Variants in PARD3B observed in about 807,000 individuals in gnomAD.
The protein encoded by PARD3B is partitioning defective 3 homolog B.
In PARD3B, 103 loss-of-function variants were observed where a neutral mutation model predicts 130.2. The ratio of observed to expected loss-of-function variants is 0.79; its 90% CI spans 0.67 to 0.93. The LOEUF is 0.93. PARD3B is among the 40% of genes least tolerant of loss of function. PARD3B has a pLI of 0.00. For synonymous variants in PARD3B, 583 were observed against 553.2 expected (o/e 1.05, Z -0.76); for missense variants, 1,609 against 1,499.2 (o/e 1.07, Z -1.21).
chr2:205,411,071 G>A (rs932988529), intron 19 of PARD3B, among the ~76,000 whole-genome samples: 2 of 152,014 alleles, frequency 1.3e-5, no homozygotes, highest in Admixed American at 6.6e-5. Flanking sequence ...CAATGTCTGA[G>A]AACATTTTTA....
At chr2:205,071,777 T>C (rs1700746979) in intron 4 of PARD3B, among the ~76,000 whole-genome samples, 1 of 152,226 alleles carries the variant, frequency 6.6e-6, no homozygotes, top group South Asian at 2.1e-4. Context: ...TAAATTATTG[T>C]TATCCAGAAT....
At position 204,943,780 on chromosome 2, in the gene PARD3B, A is replaced by G. The variant is rs958299697; in HGVS notation, c.223-21372A>G. ...TTCGCCTCTCCATTGCCATCCCTAC[A>G]TTGCCTTTCCTATCTGCCATGTGCA... On this transcript the variant is annotated intron_variant, in intron 2 of 22. Coordinates refer to ENST00000406610, the MANE Select transcript of PARD3B (RefSeq NM_001302769.2). This position sits in a 1 kb window ranked among gnomAD's most constrained non-coding sequence, Gnocchi z 4.2. Among the ~76,000 whole-genome samples, 8 of 152,154 alleles carry G rather than the reference A, an allele frequency of 5.3e-5. No individual in the cohort carries two copies. Among genetic ancestry groups the G allele is most frequent in the Admixed American group, 3.9e-4 (6 of 15,274 alleles).
At chr2:204,609,549 AG>A (rs1222732721) in intron 1 of PARD3B, among the ~76,000 whole-genome samples, 1 of 152,116 alleles carries the variant, frequency 6.6e-6, no homozygotes, top group Non-Finnish European at 1.5e-5. Context: ...AGTAGTCGGG[AG>A]TGGGGGTTAC....
intron 2 of PARD3B, among the ~76,000 whole-genome samples, chr2:204,865,837 A>C (rs779896386): frequency 6.6e-6 from 1 of 152,250 alleles, no homozygotes; most frequent in Non-Finnish European, 1.5e-5. Flanking sequence ...TTAGTATTTT[A>C]GAGTGGAAAG....
Position 205,569,801 on chromosome 2 carries a change from C to A in PARD3B, c.3260+16398C>A, listed in dbSNP as rs79320406. On this transcript the variant is annotated intron_variant, in intron 22 of 22. Coordinates refer to ENST00000406610, the MANE Select transcript of PARD3B (RefSeq NM_001302769.2). ...GTGTTCTGGGAATAGTCAAGATCAT[C>A]CAATTGGGCTTTTTTCTCAAAATGG... Among the ~76,000 whole-genome samples the A allele has an allele frequency of 9.2e-5, 14 of 152,252 alleles. No homozygotes were observed. In the East Asian group the frequency reaches 2.7e-3, roughly 29 times the overall value.
intron 4 of PARD3B, among the ~76,000 whole-genome samples, chr2:205,067,095 C>CTGTTTTTTTTT (rs1700432600): frequency 1.7e-5 from 1 of 59,712 alleles, no homozygotes; most frequent in African/African-American, 7.3e-5. Context: ...TTTTACTAGG[C>CTGTTTTTTTTT]TTTTTTTTTT....
At chr2:205,382,414 C>T (rs977946611) in intron 18 of PARD3B, among the ~76,000 whole-genome samples, 2 of 152,106 alleles carry the variant, frequency 1.3e-5, no homozygotes, top group Non-Finnish European at 2.9e-5. Context: ...TATCTTATAA[C>T]TAGTGATGTT....
At position 205,575,116 on chromosome 2, in the gene PARD3B, C is replaced by CGT. The variant is rs1559232314; in HGVS notation, c.3260+21714_3260+21715dup. On this transcript the variant is annotated intron_variant, in intron 22 of 22. Transcript: ENST00000406610. The surrounding 1 kb of genome is among the most constrained non-coding windows in gnomAD (Gnocchi z 4.6). The stretch of plus-strand genomic sequence containing the variant: ...ACACACACACACACACACACACACG[C>CGT]GTACACTATATATAAAAATATATTT... 4.3e-5 allele frequency among the ~76,000 whole-genome samples: 5 copies of CGT among 117,478 alleles called. No individual in the cohort carries two copies. Among genetic ancestry groups the CGT allele is most frequent in the Admixed American group, 8.9e-5 (1 of 11,256 alleles). 77.1% of individuals were successfully genotyped at this position (117,478 alleles called of 152,430 possible).
intron 21 of PARD3B, among the ~76,000 whole-genome samples, chr2:205,541,875 G>A (rs56090974): frequency 0.4 from 60,746 of 151,328 alleles, 12,749 homozygotes; most frequent in Admixed American, 0.51. Context: ...CAGACACGGT[G>A]GCTCACACCT....
chr2:205,127,642 C>G (rs1490957180), intron 10 of PARD3B, among the ~76,000 whole-genome samples: 2 of 152,168 alleles, frequency 1.3e-5, no homozygotes, highest in African/African-American at 2.4e-5. Flanking sequence ...TTTTCTTTCT[C>G]CCTTTCCTTC....
chr2:204,839,030 A>C (rs1288150657), intron 2 of PARD3B, among the ~76,000 whole-genome samples: 1 of 152,178 alleles, frequency 6.6e-6, no homozygotes, highest in African/African-American at 2.4e-5. Flanking sequence ...GCTACACCAA[A>C]GTAAGCTAGA....
intron 1 of PARD3B, among the ~76,000 whole-genome samples, chr2:204,643,108 T>C (rs1167908818): frequency 2.7e-4 from 3 of 10,974 alleles, no homozygotes; most frequent in Non-Finnish European, 6.2e-4. Flanking sequence ...AGGGAGACTC[T>C]GTCTCACAAA....
intron 20 of PARD3B, among the ~76,000 whole-genome samples, chr2:205,441,145 G>T (rs1228489011): frequency 2.0e-5 from 3 of 152,124 alleles, no homozygotes; most frequent in Admixed American, 6.6e-5. Context: ...TGGGGGTTTT[G>T]TACTCAAGGG....
chr2:205,191,258 G>A (rs909336088), intron 14 of PARD3B, among the ~76,000 whole-genome samples: 1 of 152,124 alleles, frequency 6.6e-6, no homozygotes, highest in African/African-American at 2.4e-5. Flanking sequence ...AGCTCTTACT[G>A]TGTGCTAGGT....
At position 205,607,768 on chromosome 2, in the gene PARD3B, G is replaced by A. The variant is rs567859369; in HGVS notation, c.3261-7688G>A. ...TGAATTTCAGAGTAAGACAATTGCC[G>A]TGGCAGGATTCTCCTGTGTCTTAAT... is the stretch of plus-strand genomic sequence containing the variant. On this transcript the variant is annotated intron_variant, in intron 22 of 22. Transcript: ENST00000406610. 2.6e-5 allele frequency among the ~76,000 whole-genome samples: 4 copies of A among 151,520 alleles called. No homozygotes were observed. In the East Asian group the frequency reaches 5.9e-4, roughly 22 times the overall value.
intron 2 of PARD3B, among the ~76,000 whole-genome samples, chr2:204,961,744 C>T (rs1156605316): frequency 6.6e-6 from 1 of 152,080 alleles, no homozygotes; most frequent in East Asian, 1.9e-4. Context: ...GACTGGTGCC[C>T]TGGAATCCAA....
chr2:205,322,997 G>A (rs902517871), intron 18 of PARD3B, among the ~76,000 whole-genome samples: 6 of 127,950 alleles, frequency 4.7e-5, no homozygotes, highest in Non-Finnish European at 9.4e-5. Flanking sequence ...TGCAGTTTCC[G>A]CCTCCTGGGT....
At chr2:204,910,663 G>A (rs1311772004) in intron 2 of PARD3B, among the ~76,000 whole-genome samples, 1 of 152,148 alleles carries the variant, frequency 6.6e-6, no homozygotes, top group East Asian at 1.9e-4. Context: ...TTTTGAGGAT[G>A]GAGTCTCCCT....
intron 18 of PARD3B, among the ~76,000 whole-genome samples, chr2:205,324,474 GA>G (rs2042868969): frequency 6.6e-6 from 1 of 152,078 alleles, no homozygotes; most frequent in Non-Finnish European, 1.5e-5. Context: ...GAAAGTAACT[GA>G]AATTTCCTTT....
Sources: allele counts gnomAD v4.1 joint callset (sites outside exome capture counted in the v4.1 genomes callset), GRCh38; gene constraint gnomAD v4.1.1; non-coding constraint Gnocchi (gnomAD v3.1); transcripts MANE v1.5; gene names NCBI Gene and HGNC (gene_info 2026-07-23, HGNC 2026-07-21).